DNAH11: variants seen among roughly 807,000 people sequenced by gnomAD.
The protein encoded by DNAH11 is axonemal beta dynein heavy chain 11.
Under a neutral mutation model 526.0 loss-of-function variants are expected in DNAH11, and 442 were observed. The ratio of observed to expected loss-of-function variants is 0.84; its 90% CI spans 0.78 to 0.91. DNAH11 has a LOEUF of 0.91. Among genes scored for constraint, DNAH11 ranks in the 40% least tolerant of loss-of-function variants. The pLI is 0.00. For synonymous variants in DNAH11, 2,461 were observed against 1,935.9 expected (o/e 1.27, Z -7.12); for missense variants, 6,989 against 5,448.7 (o/e 1.28, Z -8.90).
Position 21,793,021 on chromosome 7 carries a change from G to C in DNAH11, c.10026+3679G>C, listed in dbSNP as rs1026678593. Among the ~76,000 whole-genome samples, 55 of 152,150 alleles carry C rather than the reference G, an allele frequency of 3.6e-4. 1 individual carries two copies. Among genetic ancestry groups the C allele is most frequent in the Middle Eastern group, 3.4e-3 (1 of 294 alleles). On this transcript the variant is annotated intron_variant, in intron 61 of 81. Coordinates refer to ENST00000409508, the MANE Select transcript of DNAH11 (RefSeq NM_001277115.2). ...GTAGGCATTTGATGTATTGCTGTAA[G>C]CTTCTCTCCTAGTATTGCTTTTGCT...
chr7:21,766,430 G>A (rs1787188939), intron 55 of DNAH11, among the ~76,000 whole-genome samples: 1 of 152,176 alleles, frequency 6.6e-6, no homozygotes, highest in Non-Finnish European at 1.5e-5. Flanking sequence ...GAATAGGTCA[G>A]ACACTGAAAG....
rs906319143 is a variant in DNAH11, at chr7:21,601,018, T to C, written c.3264T>C (p.Ile1088=). 2.5e-6 allele frequency: 4 copies of C among 1,610,902 alleles called. No homozygotes were observed. Among genetic ancestry groups the C allele is most frequent in the Non-Finnish European group, 2.5e-6 (3 of 1,179,298 alleles). Residue 1088 remains isoleucine, a synonymous_variant, in exon 17 of 82, where the codon ATT becomes ATC. Coordinates refer to ENST00000409508, the MANE Select transcript of DNAH11 (RefSeq NM_001277115.2). Reference sequence around the variant, plus strand: ...TCTTTTTCTCACTACAGATTGACATTTATGAAGCTTTGTATGTTCAAATGA... The same window carrying C: ...TCTTTTTCTCACTACAGATTGACATCTATGAAGCTTTGTATGTTCAAATGA... ...TLEQFKEQID[I]YEALYVQMSK...
intron 63 of DNAH11, among the ~76,000 whole-genome samples, chr7:21,812,741 C>A (rs77575718): frequency 0.027 from 4,106 of 152,196 alleles, 196 homozygotes; most frequent in African/African-American, 0.093. Flanking sequence ...AAATGAGACT[C>A]TAGAACAATG....
intron 65 of DNAH11, among the ~76,000 whole-genome samples, chr7:21,829,236 C>A (rs1329738160): frequency 6.6e-6 from 1 of 150,940 alleles, no homozygotes; most frequent in African/African-American, 2.4e-5. Flanking sequence ...TTCCCCCCAC[C>A]CCCCGCCAAT....
intron 45 of DNAH11, among the ~76,000 whole-genome samples, chr7:21,730,459 A>G (rs1284938781): frequency 6.6e-6 from 1 of 152,208 alleles, no homozygotes; most frequent in African/African-American, 2.4e-5. Context: ...TGAAATCCAA[A>G]ATACTTGTGG....
intron 80 of DNAH11, among the ~76,000 whole-genome samples, 169 bp downstream of exon 80, chr7:21,899,617 C>A (rs1045552992): frequency 6.6e-6 from 1 of 152,104 alleles, no homozygotes; most frequent in Non-Finnish European, 1.5e-5. Flanking sequence ...CCTGGGCAGG[C>A]GAGTAGCAGC....
chr7:21,628,606 A>G (rs1051531448), intron 25 of DNAH11, among the ~76,000 whole-genome samples: 2 of 152,150 alleles, frequency 1.3e-5, no homozygotes. Flanking sequence ...TGACTCACAT[A>G]AGTTAAACTG....
chr7:21,601,395 G>A lies in DNAH11; in HGVS notation c.3426-1G>A, dbSNP rs774855011. 8.7e-6 allele frequency: 14 copies of A among 1,609,994 alleles called. No homozygotes were observed. In the East Asian group the frequency reaches 3.1e-4, roughly 36 times the overall value. On this transcript the variant is annotated splice_acceptor_variant, in intron 17 of 81. Coordinates refer to ENST00000409508, the MANE Select transcript of DNAH11 (RefSeq NM_001277115.2). LOFTEE classifies it high-confidence loss of function. ...TATCTATGTACATATATATTTAATA[G>A]TCTGAATGAGCTACAAGAATTTATA...
At chr7:21,591,710 T>C (rs1258508442) in intron 14 of DNAH11, 133 bp downstream of exon 14, 2 of 905,974 alleles carry the variant, frequency 2.2e-6, no homozygotes, top group Non-Finnish European at 3.0e-6. Context: ...TTATTAGGCA[T>C]TTAAAGTGGA....
chr7:21,710,748 T>C (rs191769214), intron 41 of DNAH11, 45 bp downstream of exon 41: 15 of 1,556,714 alleles, frequency 9.6e-6, no homozygotes, highest in Non-Finnish European at 1.3e-5. Flanking sequence ...ACATCCTGAG[T>C]GTATTAAGAG....
intron 28 of DNAH11, among the ~76,000 whole-genome samples, chr7:21,651,038 C>T (rs1019588127): frequency 1.3e-5 from 2 of 151,674 alleles, no homozygotes; most frequent in South Asian, 4.2e-4. Context: ...CATGGACTCA[C>T]TTTATCTCAT....
intron 64 of DNAH11, 111 bp from the exon 65 acceptor site, chr7:21,818,104 TAA>T: frequency 9.5e-7 from 1 of 1,056,144 alleles, no homozygotes. Flanking sequence ...TAGTTTTCTC[TAA>T]GTTTGTCCCA....
At chr7:21,855,896 T>C (rs920365431) in intron 68 of DNAH11, among the ~76,000 whole-genome samples, 1 of 152,144 alleles carries the variant, frequency 6.6e-6, no homozygotes, top group African/African-American at 2.4e-5. Context: ...GTAGAAAGTA[T>C]TGTAAGACAG....
intron 10 of DNAH11, 51 bp downstream of exon 10, chr7:21,588,252 A>T (rs1427523202): frequency 1.3e-6 from 2 of 1,566,044 alleles, no homozygotes; most frequent in Non-Finnish European, 1.7e-6. Flanking sequence ...TAGGCGGATA[A>T]TGACCATCAA....
intron 48 of DNAH11, among the ~76,000 whole-genome samples, chr7:21,740,500 A>G (rs1583647991): frequency 6.6e-6 from 1 of 152,136 alleles, no homozygotes; most frequent in Non-Finnish European, 1.5e-5. Flanking sequence ...TGGCTGGCTT[A>G]TTTCACTTAG....
intron 68 of DNAH11, among the ~76,000 whole-genome samples, chr7:21,856,837 C>T (rs953707631): frequency 6.7e-6 from 1 of 149,882 alleles, no homozygotes; most frequent in Non-Finnish European, 1.5e-5. Flanking sequence ...AACTTCTCAA[C>T]ATGATAAAAT....
At chr7:21,807,808 G>A in intron 62 of DNAH11, 75 bp from the exon 63 acceptor site, 1 of 1,440,670 alleles carries the variant, frequency 6.9e-7, no homozygotes, top group African/African-American at 1.4e-5. Flanking sequence ...CTTGCCATAA[G>A]GTAATTGCAT....
intron 26 of DNAH11, among the ~76,000 whole-genome samples, 186 bp from the exon 27 acceptor site, chr7:21,637,425 T>C (rs1786917805): frequency 6.6e-6 from 1 of 152,212 alleles, no homozygotes; most frequent in Admixed American, 6.5e-5. Flanking sequence ...TGCTTCTACA[T>C]TGCTTTTGAT....
intron 76 of DNAH11, among the ~76,000 whole-genome samples, chr7:21,885,532 C>G (rs1182628032): frequency 2.0e-5 from 3 of 151,960 alleles, no homozygotes; most frequent in Non-Finnish European, 4.4e-5. Flanking sequence ...AGTAAGTTCT[C>G]GTGTCCTATT....
Sources: gnomAD v4.1 joint callset for allele counts (sites outside exome capture counted in the v4.1 genomes callset) on GRCh38, gnomAD v4.1.1 for gene constraint, MANE v1.5 for transcripts, NCBI Gene and HGNC (gene_info 2026-07-23, HGNC 2026-07-21) for gene names.